Variants in CAAP1 observed in about 807,000 individuals in gnomAD.
The protein encoded by CAAP1 is conserved anti-apoptotic protein.
CAAP1 carries 20 observed loss-of-function variants against 34.0 expected under a neutral mutation model. The observed-to-expected ratio is 0.59, with a 90% CI of 0.41 to 0.86. CAAP1 has a LOEUF of 0.86. CAAP1 is among the 40% of genes least tolerant of loss of function. The probability of loss-of-function intolerance (pLI) is 0.00; values close to 1 mark genes in which losing one functional copy is unlikely to be tolerated. For missense variants in CAAP1, 538 were observed against 450.5 expected, an observed-to-expected ratio of 1.19 and a Z score of -1.76; for synonymous variants, 213 against 166.7, an observed-to-expected ratio of 1.28 and a Z score of -2.14.
chr9:26,885,015 T>C (rs1339381898), intron 3 of CAAP1, 130 bp from the exon 4 acceptor site: 33 of 647,058 alleles, frequency 5.1e-5, no homozygotes, highest in Non-Finnish European at 2.7e-6. Context: ...AAAACTTAAA[T>C]TTTTAATTGC....
chr9:26,846,189 C>T (rs913426571), intron 5 of CAAP1, among the ~76,000 whole-genome samples: 6 of 152,062 alleles, frequency 3.9e-5, no homozygotes, highest in Non-Finnish European at 7.4e-5. Flanking sequence ...GAGGCCAAGG[C>T]AGGTGGATCA....
At position 26,846,433 on chromosome 9, in the gene CAAP1, A is replaced by AG. The variant is rs1321795236; in HGVS notation, c.740-3787_740-3786insC. On this transcript the variant is annotated intron_variant, in intron 5 of 5. Transcript: ENST00000333916. ...TCTGTCTCAAAAAAAAAAAAAAAAAAAAAAAAGAAGAAGAAAAAAAAGAAA... is the reference window on the plus strand; with the variant it reads ...TCTGTCTCAAAAAAAAAAAAAAAAAAGAAAAAAGAAGAAGAAAAAAAAGAAA... Among the ~76,000 whole-genome samples, 7 of 149,054 alleles carry AG rather than the reference A, an allele frequency of 4.7e-5. No individual in the cohort carries two copies. In the East Asian group the frequency reaches 9.7e-4, roughly 21 times the overall value.
chr9:26,872,553 A>ATATATATATATATATATATAT (rs560375272), intron 4 of CAAP1, among the ~76,000 whole-genome samples: 6 of 142,556 alleles, frequency 4.2e-5, no homozygotes, highest in African/African-American at 1.6e-4. Context: ...ATATACATAT[A>ATATATATATATATATATATAT]ATATATATAT....
chr9:26,883,190 G>A (rs906158959), intron 4 of CAAP1, among the ~76,000 whole-genome samples: 16 of 152,114 alleles, frequency 1.1e-4, no homozygotes, highest in African/African-American at 2.9e-4. Flanking sequence ...GGAAGGGGCC[G>A]GGGCAGAATG....
At chr9:26,843,018 C>T (rs752783450) in intron 5 of CAAP1, among the ~76,000 whole-genome samples, 24 of 152,220 alleles carry the variant, frequency 1.6e-4, no homozygotes, top group South Asian at 4.1e-4. Flanking sequence ...TACAGTATGG[C>T]TTACTATTCA....
intron 4 of CAAP1, among the ~76,000 whole-genome samples, chr9:26,883,403 G>A (rs1823649664): frequency 6.6e-6 from 1 of 152,076 alleles, no homozygotes; most frequent in Non-Finnish European, 1.5e-5. Context: ...TGATTGTGAG[G>A]CATCCCCAGT....
At chr9:26,875,989 A>C (rs1422286085) in intron 4 of CAAP1, among the ~76,000 whole-genome samples, 1 of 152,232 alleles carries the variant, frequency 6.6e-6, no homozygotes, top group Admixed American at 6.5e-5. Context: ...ACTCTAATAT[A>C]TTATCACAAG....
chr9:26,872,065 C>T (rs1032349757), intron 4 of CAAP1, among the ~76,000 whole-genome samples: 4 of 152,134 alleles, frequency 2.6e-5, no homozygotes, highest in African/African-American at 4.8e-5. Context: ...AAGAGTTCTA[C>T]CACATATCAC....
At chr9:26,860,723 T>A (rs7868649) in intron 5 of CAAP1, among the ~76,000 whole-genome samples, 1 of 152,018 alleles carries the variant, frequency 6.6e-6, no homozygotes, top group African/African-American at 2.4e-5. Context: ...ACCGGGAGGC[T>A]GAGCTTGCAG....
At chr9:26,861,262 G>A in intron 4 of CAAP1, 123 bp from the exon 5 acceptor site, 1 of 653,942 alleles carries the variant, frequency 1.5e-6, no homozygotes, top group East Asian at 2.7e-5. Flanking sequence ...AAGCTCCCAG[G>A]GTATCATTCA....
At chr9:26,861,666 TG>T (rs1823005705) in intron 4 of CAAP1, among the ~76,000 whole-genome samples, 1 of 152,210 alleles carries the variant, frequency 6.6e-6, no homozygotes, top group East Asian at 1.9e-4. Flanking sequence ...CACTATGTTC[TG>T]GAATACAGCT....
intron 5 of CAAP1, among the ~76,000 whole-genome samples, chr9:26,848,653 G>A (rs1822673874): frequency 6.6e-6 from 1 of 152,182 alleles, no homozygotes; most frequent in African/African-American, 2.4e-5. Flanking sequence ...CTCACGCACT[G>A]AGGTTTGTTA....
intron 4 of CAAP1, among the ~76,000 whole-genome samples, chr9:26,877,369 G>T (rs530401870): frequency 6.6e-6 from 1 of 152,246 alleles, no homozygotes; most frequent in African/African-American, 2.4e-5. Flanking sequence ...TAACATCTAG[G>T]TTTGTATAAG....
At position 26,841,095 on chromosome 9, in the gene CAAP1, ACT is replaced by A. The variant is rs1270282178; in HGVS notation, c.*1204_*1205del. 1 of 152,240 alleles carries A rather than the reference ACT, an allele frequency of 6.6e-6. No homozygotes were observed. Among genetic ancestry groups the A allele is most frequent in the Non-Finnish European group, 1.5e-5 (1 of 67,988 alleles). 9.4% of individuals were successfully genotyped at this position (152,240 alleles called of 1,614,324 possible). On this transcript the variant is annotated 3_prime_UTR_variant, in exon 6 of 6. Coordinates refer to ENST00000333916, the MANE Select transcript of CAAP1 (RefSeq NM_024828.4). The stretch of plus-strand genomic sequence containing the variant: ...AAATGTCCTCTATTTCCATTTAAAA[ACT>A]CTCTAAAATTAACATAATTAAAGCA...
chr9:26,862,043 G>A (rs887133269), intron 4 of CAAP1, among the ~76,000 whole-genome samples: 3 of 152,132 alleles, frequency 2.0e-5, no homozygotes, highest in Non-Finnish European at 4.4e-5. Flanking sequence ...CCCAAACTCA[G>A]AGAATACAAA....
chr9:26,885,860 C>T (rs1214706879), intron 3 of CAAP1, among the ~76,000 whole-genome samples: 1 of 151,958 alleles, frequency 6.6e-6, no homozygotes, highest in Non-Finnish European at 1.5e-5. Context: ...TTTTTTATTT[C>T]ATTTTATTAG....
At chr9:26,844,299 G>A (rs1332923991) in intron 5 of CAAP1, among the ~76,000 whole-genome samples, 1 of 152,198 alleles carries the variant, frequency 6.6e-6, no homozygotes, top group Non-Finnish European at 1.5e-5. Context: ...GGAGGTTGTG[G>A]TGAGCCAAGA....
chr9:26,855,451 C>CA (rs746526333), intron 5 of CAAP1, among the ~76,000 whole-genome samples: 70 of 152,158 alleles, frequency 4.6e-4, no homozygotes, highest in Admixed American at 1.5e-3. Context: ...ATGTACAACA[C>CA]AAAGGTTAAG....
chr9:26,848,596 T>C (rs1822671361), intron 5 of CAAP1, among the ~76,000 whole-genome samples: 1 of 152,266 alleles, frequency 6.6e-6, no homozygotes, highest in Non-Finnish European at 1.5e-5. Context: ...AAAGCAAACC[T>C]ATGCCACAAG....
Sources: allele counts gnomAD v4.1 joint callset (sites outside exome capture counted in the v4.1 genomes callset), GRCh38; gene constraint gnomAD v4.1.1; transcripts MANE v1.5; gene names NCBI Gene and HGNC (gene_info 2026-07-23, HGNC 2026-07-21).